The following OIT3 variants were observed in gnomAD, a reference collection of about 807,000 sequenced individuals.
The protein encoded by OIT3 is oncoprotein induced transcript 3, also known as oncoprotein-induced transcript 3 protein.
A neutral mutation model predicts 52.2 loss-of-function variants in OIT3; 41 were observed. The ratio of observed to expected loss-of-function variants is 0.79; its 90% CI spans 0.61 to 1.02. The LOEUF is 1.02. Ranked by LOEUF, OIT3 falls within the 50% of genes least tolerant of loss-of-function variation. The pLI is 0.00. For synonymous variants in OIT3, 244 were observed against 276.9 expected (o/e 0.88, Z 1.18); for missense variants, 634 against 715.5 (o/e 0.89, Z 1.30).
Position 72,898,613 on chromosome 10 carries a change from G to A in OIT3, c.62-51G>A, listed in dbSNP as rs369444484. The A allele has an allele frequency of 7.2e-6, 11 of 1,526,644 alleles. No homozygotes were observed. The African/African-American group carries it at 1.2e-4, about 17-fold the overall frequency. 94.6% of individuals were successfully genotyped at this position (1,526,644 alleles called of 1,614,324 possible). A position where few individuals can be genotyped will look rare whatever the true frequency, so the allele number is the denominator to read the frequency against. ...AAGAAGTTGGACTTGGGCTGTTGGT[G>A]GTGTGATCCGAAACACTCCAGGTAC... is the stretch of plus-strand genomic sequence containing the variant. On this transcript the variant is annotated intron_variant, in intron 1 of 8. Coordinates refer to ENST00000334011, the MANE Select transcript of OIT3 (RefSeq NM_152635.3).
At chr10:72,928,804 G>T (rs1379181788) in intron 7 of OIT3, among the ~76,000 whole-genome samples, 1 of 152,160 alleles carries the variant, frequency 6.6e-6, no homozygotes, top group Admixed American at 6.5e-5. Flanking sequence ...ATCCCCTTCA[G>T]TTCAGTGGAA....
In OIT3 at chr10:72,929,360, GA is replaced by G. The variant is rs1428257189; in HGVS notation, c.1368-1165del. On this transcript the variant is annotated intron_variant, in intron 7 of 8. Coordinates refer to ENST00000334011, the MANE Select transcript of OIT3 (RefSeq NM_152635.3). The stretch of plus-strand genomic sequence containing the variant: ...ACCCACTAAAAGGCAACTATGTCCA[GA>G]AAAAAAAAAAAAGTTCCTCTAGAAT... Among the ~76,000 whole-genome samples the G allele has an allele frequency of 2.1e-3, 284 of 138,370 alleles. 1 individual carries two copies. The highest frequency in any genetic ancestry group is 3.2e-3 in the African/African-American group (122 of 38,106). 90.8% of individuals were successfully genotyped at this position (138,370 alleles called of 152,430 possible). A position where few individuals can be genotyped will look rare whatever the true frequency, so the allele number is the denominator to read the frequency against.
In OIT3 at chr10:72,893,789, G is replaced by A; in HGVS notation, c.-10G>A. The A allele has an allele frequency of 6.2e-7, 1 of 1,607,448 alleles. No homozygotes were observed. The highest frequency in any genetic ancestry group is 8.5e-7 in the Non-Finnish European group (1 of 1,176,804). Reference sequence around the variant, plus strand: ...GATTTTCCAGTGTTTCTGGCAGTTGGTCCAGAAGGATGCCTCCATTCCTGC... The same window carrying A: ...GATTTTCCAGTGTTTCTGGCAGTTGATCCAGAAGGATGCCTCCATTCCTGC... On this transcript the variant is annotated 5_prime_UTR_variant, in exon 1 of 9. Coordinates refer to ENST00000334011, the MANE Select transcript of OIT3 (RefSeq NM_152635.3).
rs16930172 is a variant in OIT3 at position 72,924,659 on chromosome 10, A to G, written c.1367+15A>G. ...ATCCGGGATGGGTAATGCTGCTGCA[A>G]GAATGGTCTCATCACCCCTAGTTCA... On this transcript the variant is annotated intron_variant, in intron 7 of 8. Coordinates refer to ENST00000334011, the MANE Select transcript of OIT3 (RefSeq NM_152635.3). 153,857 of 1,581,356 alleles carry G rather than the reference A, an allele frequency of 0.097. 24,732 individuals are homozygous for G. The highest frequency in any genetic ancestry group is 0.71 in the African/African-American group (53,037 of 74,380).
At chr10:72,927,016 A>G (rs1332612116) in intron 7 of OIT3, among the ~76,000 whole-genome samples, 2 of 152,220 alleles carry the variant, frequency 1.3e-5, no homozygotes, top group African/African-American at 4.8e-5. Flanking sequence ...TTAGTTTTTG[A>G]AAAAATAAGA....
In OIT3 at chr10:72,930,572, T is replaced by C. The variant is rs1396067845; in HGVS notation, c.1402T>C (p.Ser468Pro). 3 of 1,613,694 alleles carry C rather than the reference T, an allele frequency of 1.9e-6. No homozygotes were observed. Among genetic ancestry groups the C allele is most frequent in the Non-Finnish European group, 2.5e-6 (3 of 1,179,886 alleles). The change falls in exon 8 of 9, where the codon TCC becomes CCC. Residue 468 changes from serine to proline, a missense_variant. By Grantham distance (74) the Ser-to-Pro change is moderately conservative. Coordinates refer to ENST00000334011, the MANE Select transcript of OIT3 (RefSeq NM_152635.3). ...VSDDSVKQYT[S>P]RDHLAKHFQV... ...AGATGACTCGGTAAAGCAGTACACATCCCGGGATCACCTAGCAAAGCACTT... is the reference window on the plus strand; with the variant it reads ...AGATGACTCGGTAAAGCAGTACACACCCCGGGATCACCTAGCAAAGCACTT...
chr10:72,899,078 G>T (rs780291468), intron 2 of OIT3, 40 bp downstream of exon 2: 1 of 1,551,254 alleles, frequency 6.4e-7, no homozygotes, highest in South Asian at 1.2e-5. Context: ...CACCAACAAG[G>T]CCACAGGTGG....
At chr10:72,893,923 C>T in intron 1 of OIT3, 64 bp downstream of exon 1, 1 of 1,209,576 alleles carries the variant, frequency 8.3e-7, no homozygotes, top group Non-Finnish European at 1.2e-6. Flanking sequence ...CTATAATGTA[C>T]AGATGATTAA....
chr10:72,916,341 A>T (rs1846072807), intron 6 of OIT3, among the ~76,000 whole-genome samples: 1 of 151,934 alleles, frequency 6.6e-6, no homozygotes, highest in African/African-American at 2.4e-5. Flanking sequence ...CCACTCTCTG[A>T]TAGGCCCCAG....
chr10:72,932,818 G>C lies in OIT3; in HGVS notation c.*294G>C. On this transcript the variant is annotated 3_prime_UTR_variant, in exon 9 of 9. Coordinates refer to ENST00000334011, the MANE Select transcript of OIT3 (RefSeq NM_152635.3). ...TTTCTTTCCTACACTTAAATACCTC[G>C]TGTATGGTGCAATCAGACCACAAAA... is the stretch of plus-strand genomic sequence containing the variant. The C allele has an allele frequency of 3.3e-6, 1 of 301,194 alleles. No individual in the cohort carries two copies. The highest frequency in any genetic ancestry group is 6.1e-6 in the Non-Finnish European group (1 of 163,700). The allele number at this position is 301,194 out of a possible 1,614,324, so 18.7% of individuals were successfully genotyped here. A position where few individuals can be genotyped will look rare whatever the true frequency, so the allele number is the denominator to read the frequency against.
chr10:72,914,242 T>TG (rs1846054791), intron 6 of OIT3, among the ~76,000 whole-genome samples: 1 of 151,730 alleles, frequency 6.6e-6, no homozygotes, highest in African/African-American at 2.4e-5. Context: ...GTAGGTGGGG[T>TG]GGGCTGAGCT....
At chr10:72,911,503 G>A (rs1846027614) in intron 4 of OIT3, among the ~76,000 whole-genome samples, 1 of 152,174 alleles carries the variant, frequency 6.6e-6, no homozygotes, top group African/African-American at 2.4e-5. Context: ...TTCCTCACCA[G>A]CTTAATTGGG....
chr10:72,903,456 G>C (rs1267507101), intron 3 of OIT3, among the ~76,000 whole-genome samples: 1 of 152,158 alleles, frequency 6.6e-6, no homozygotes, highest in Non-Finnish European at 1.5e-5. Flanking sequence ...TTGAGCTCCT[G>C]ACCTCAGGTG....
chr10:72,898,387 T>A (rs1845896051), intron 1 of OIT3, among the ~76,000 whole-genome samples: 1 of 152,232 alleles, frequency 6.6e-6, no homozygotes, highest in Non-Finnish European at 1.5e-5. Context: ...CCTCCCTTGG[T>A]CTGATCAACT....
At chr10:72,901,695 C>T (rs545806958) in intron 3 of OIT3, among the ~76,000 whole-genome samples, 1 of 152,216 alleles carries the variant, frequency 6.6e-6, no homozygotes, top group East Asian at 1.9e-4. Flanking sequence ...CTCATTGCAG[C>T]TTCGACATCC....
intron 6 of OIT3, chr10:72,913,707 GCA>G (rs1427735632): frequency 1.6e-6 from 1 of 620,636 alleles, no homozygotes; most frequent in Middle Eastern, 2.5e-4. Flanking sequence ...TCTCCAGCAT[GCA>G]CAGACATTTT....
chr10:72,922,212 A>G (rs1846127804), intron 6 of OIT3, among the ~76,000 whole-genome samples: 1 of 152,032 alleles, frequency 6.6e-6, no homozygotes, highest in South Asian at 2.1e-4. Context: ...GCATTTCCTG[A>G]ATTTGAATGT....
At chr10:72,911,017 T>A (rs976080209) in intron 4 of OIT3, among the ~76,000 whole-genome samples, 1 of 152,210 alleles carries the variant, frequency 6.6e-6, no homozygotes, top group Non-Finnish European at 1.5e-5. Flanking sequence ...TAAAATCACC[T>A]TGTAGATTCT....
At chr10:72,925,671 G>A (rs1846163916) in intron 7 of OIT3, among the ~76,000 whole-genome samples, 1 of 152,178 alleles carries the variant, frequency 6.6e-6, no homozygotes, top group African/African-American at 2.4e-5. Context: ...GGAGTGCAGT[G>A]GTGCAAACAC....
Sources: gnomAD v4.1 joint callset for allele counts (sites outside exome capture counted in the v4.1 genomes callset) on GRCh38, gnomAD v4.1.1 for gene constraint, MANE v1.5 for transcripts, NCBI Gene and HGNC (gene_info 2026-07-23, HGNC 2026-07-21) for gene names.